The following ROBO2 variants were observed in gnomAD, a reference collection of about 807,000 sequenced individuals.
ROBO2 encodes the protein roundabout guidance receptor 2, also known as roundabout homolog 2.
Under a neutral mutation model 160.8 loss-of-function variants are expected in ROBO2, and 53 were observed. That is an observed-to-expected ratio of 0.33 (90% CI 0.26 to 0.41). ROBO2 has a LOEUF of 0.41. ROBO2 is among the 10% of genes least tolerant of loss of function. ROBO2 has a pLI of 1.00. For synonymous variants in ROBO2, 664 were observed against 611.7 expected (o/e 1.09, Z -1.26); for missense variants, 1,577 against 1,722.4 (o/e 0.92, Z 1.49).
chr3:77,602,372 A>G (rs2094445821), exon 20 of ROBO2: 1 of 1,614,126 alleles, frequency 6.2e-7, no homozygotes, highest in African/African-American at 1.3e-5. Flanking sequence ...TTGCATTCCA[A>G]CAGCATACAT....
chr3:76,454,740 A>G (rs75492014), intron 2 of ROBO2, among the ~76,000 whole-genome samples: 2,427 of 152,260 alleles, frequency 0.016, 59 homozygotes, highest in African/African-American at 0.047. Context: ...TAAACATTGA[A>G]AAAGCCTTTT....
At chr3:77,200,264 ATTTTATATATATAT>A (rs2082716800) in intron 2 of ROBO2, among the ~76,000 whole-genome samples, 1 of 65,316 alleles carries the variant, frequency 1.5e-5, no homozygotes, top group Non-Finnish European at 3.1e-5. Flanking sequence ...TAACTAACAT[ATTTTATATATATAT>A]ATATATATAT....
intron 2 of ROBO2, among the ~76,000 whole-genome samples, chr3:76,361,826 T>C (rs988495003): frequency 1.3e-5 from 2 of 152,210 alleles, no homozygotes; most frequent in Admixed American, 1.3e-4. Context: ...AAACTGTCTT[T>C]ATATGAAAAG....
At chr3:76,960,564 T>C (rs1289889388) in intron 2 of ROBO2, among the ~76,000 whole-genome samples, 2 of 152,116 alleles carry the variant, frequency 1.3e-5, no homozygotes, top group Non-Finnish European at 2.9e-5. Context: ...GGTAAGACTA[T>C]TATAAGTGAG....
chr3:77,454,203 C>T (rs1389504958), intron 2 of ROBO2, among the ~76,000 whole-genome samples: 3 of 150,988 alleles, frequency 2.0e-5, no homozygotes, highest in Admixed American at 6.6e-5. Context: ...TTGTCTGGGA[C>T]ACTGATATTT....
intron 1 of ROBO2, among the ~76,000 whole-genome samples, chr3:77,085,947 T>C (rs535166386): frequency 1.3e-5 from 2 of 152,220 alleles, no homozygotes; most frequent in South Asian, 4.1e-4. Flanking sequence ...CTCAATAAAG[T>C]TTATTTAATA....
chr3:77,011,919 T>G (rs1248565879), intron 2 of ROBO2, among the ~76,000 whole-genome samples: 1 of 152,100 alleles, frequency 6.6e-6, no homozygotes, highest in African/African-American at 2.4e-5. Flanking sequence ...AGAAAAGAGA[T>G]ATGAGGAGCA....
chr3:76,366,421 T>G (rs1162930158), intron 2 of ROBO2, among the ~76,000 whole-genome samples: 4 of 152,060 alleles, frequency 2.6e-5, no homozygotes, highest in African/African-American at 9.7e-5. Context: ...CTGATACATA[T>G]TAGGCATTTA....
chr3:76,705,514 A>C (rs574148192), intron 2 of ROBO2, among the ~76,000 whole-genome samples: 1 of 152,222 alleles, frequency 6.6e-6, no homozygotes, highest in Admixed American at 6.6e-5. Flanking sequence ...CCAGAAGATG[A>C]CAAGTAAAAA....
At chr3:77,587,321 A>G (rs1338006037) in intron 16 of ROBO2, among the ~76,000 whole-genome samples, 1 of 152,044 alleles carries the variant, frequency 6.6e-6, no homozygotes, top group Non-Finnish European at 1.5e-5. Context: ...ATGCTCAGTT[A>G]CTTTTTTGAA....
rs62267250 is a variant in ROBO2 at position 76,058,914 on chromosome 3, T to G, written c.109+121312T>G. 1.3e-3 allele frequency among the ~76,000 whole-genome samples: 191 copies of G among 149,728 alleles called. 1 individual carries two copies. Among genetic ancestry groups the G allele is most frequent in the African/African-American group, 4.6e-3 (188 of 40,592 alleles). ...AACATGTGGTGTTTGGTTTTTTGTC[T>G]TTGCGATAGTTTGCTGAGAATGATG... On this transcript the variant is annotated intron_variant, in intron 2 of 26. Transcript: ENST00000487694.
chr3:77,618,795 T>C (rs9826178), intron 22 of ROBO2, among the ~76,000 whole-genome samples: 5,501 of 152,236 alleles, frequency 0.036, 172 homozygotes, highest in African/African-American at 0.083. Flanking sequence ...TCTTGAACAT[T>C]TTCCAACAGT....
chr3:76,414,681 G>A (rs1034353658), intron 2 of ROBO2, among the ~76,000 whole-genome samples: 9 of 150,056 alleles, frequency 6.0e-5, no homozygotes, highest in Non-Finnish European at 1.2e-4. Flanking sequence ...ATGAGTTAGT[G>A]GGTGCAGCGC....
At chr3:76,942,130 T>C (rs1044769636) in intron 2 of ROBO2, among the ~76,000 whole-genome samples, 1 of 152,226 alleles carries the variant, frequency 6.6e-6, no homozygotes, top group African/African-American at 2.4e-5. Flanking sequence ...TAGATTATTA[T>C]ATAGAAAATG....
intron 2 of ROBO2, among the ~76,000 whole-genome samples, chr3:76,433,037 T>A (rs59647981): frequency 6.6e-6 from 1 of 152,258 alleles, no homozygotes. Flanking sequence ...AATGCAACTT[T>A]ATTATTTAAG....
intron 20 of ROBO2, among the ~76,000 whole-genome samples, chr3:77,607,532 A>C (rs2094548603): frequency 6.6e-6 from 1 of 152,226 alleles, no homozygotes; most frequent in Admixed American, 6.5e-5. Context: ...CCAGACGGGA[A>C]TAAATCAATA....
chr3:76,763,552 TA>T (rs2061420867), intron 2 of ROBO2, among the ~76,000 whole-genome samples: 6 of 124,502 alleles, frequency 4.8e-5, no homozygotes, highest in Middle Eastern at 7.9e-3. Flanking sequence ...ATCCTCCTTT[TA>T]AAAAATATTT....
chr3:76,953,749 A>G (rs1239747334), intron 2 of ROBO2, among the ~76,000 whole-genome samples: 2 of 152,184 alleles, frequency 1.3e-5, no homozygotes. Flanking sequence ...CTTAGAAGCA[A>G]GCACGCGCAC....
intron 2 of ROBO2, among the ~76,000 whole-genome samples, chr3:77,277,062 T>C (rs1051418593): frequency 6.6e-6 from 1 of 152,008 alleles, no homozygotes; most frequent in East Asian, 1.9e-4. Context: ...ATCAGCAACA[T>C]AGTGAAAACC....
Sources: gnomAD v4.1 joint callset for allele counts (sites outside exome capture counted in the v4.1 genomes callset) on GRCh38, gnomAD v4.1.1 for gene constraint, MANE v1.5 for transcripts, NCBI Gene and HGNC (gene_info 2026-07-23, HGNC 2026-07-21) for gene names.